Variants in HDAC6 observed in about 807,000 individuals in gnomAD.
HDAC6 encodes histone deacetylase 6.
HDAC6 carries 5 observed loss-of-function variants against 88.9 expected under a neutral mutation model. That is an observed-to-expected ratio of 0.06 (90% confidence interval 0.03 to 0.12). The LOEUF is 0.12. Ranked by LOEUF, HDAC6 falls within the 10% of genes least tolerant of loss-of-function variation. The pLI, the probability that HDAC6 is intolerant of heterozygous loss-of-function variation, is 1.00. For synonymous variants in HDAC6, 378 were observed against 398.0 expected (o/e 0.95, Z 0.60); for missense variants, 706 against 1,014.4 (o/e 0.70, Z 4.13).
intron 10 of HDAC6, among the ~76,000 whole-genome samples, chrX:48,811,707 T>C (rs782666265): frequency 4.1e-4 from 46 of 112,553 alleles, no homozygotes; most frequent in African/African-American, 1.4e-3. Flanking sequence ...GTTGTACTTA[T>C]CTTTTCCAGT....
intron 20 of HDAC6, chrX:48,817,701 C>A: frequency 2.4e-6 from 1 of 416,919 alleles, no homozygotes; most frequent in Non-Finnish European, 4.1e-6. Context: ...GGTCCCACCC[C>A]AGCATTTCTG....
intron 20 of HDAC6, 66 bp downstream of exon 20, chrX:48,817,525 C>T: frequency 1.9e-6 from 2 of 1,042,052 alleles, no homozygotes; most frequent in Non-Finnish European, 1.3e-6. Context: ...CCCCCCAGCC[C>T]ATTGTTTACT....
intron 10 of HDAC6, among the ~76,000 whole-genome samples, chrX:48,810,294 C>G (rs1184446342): frequency 1.8e-5 from 2 of 109,779 alleles, no homozygotes; most frequent in Non-Finnish European, 3.8e-5. Context: ...CCAGACTGGT[C>G]TCGAACTCCT....
rs922326153 is a variant in HDAC6, at chrX:48,808,552, G to A, written c.806+226G>A. ...CAGATAGGGGGACTGAGGCTTATAC[G>A]TTAAGAGGTCACACAGAGAAGAACT... is the stretch of plus-strand genomic sequence containing the variant. On this transcript the variant is annotated intron_variant, in intron 10 of 28. Transcript: ENST00000334136. 3.6e-5 allele frequency among the ~76,000 whole-genome samples: 4 copies of A among 111,748 alleles called. 1 individual carries two copies. The highest frequency in any genetic ancestry group is 7.4e-4 in the South Asian group (2 of 2,708).
At chrX:48,824,423 C>T (rs1348121357) in intron 28 of HDAC6, 121 bp from the exon 29 acceptor site, 12 of 1,076,499 alleles carry the variant, frequency 1.1e-5, no homozygotes, top group South Asian at 1.0e-4. Flanking sequence ...TTGCATGGGG[C>T]GGGGGCTGTG....
intron 6 of HDAC6, 134 bp downstream of exon 6, chrX:48,805,805 T>A: frequency 2.0e-6 from 1 of 512,541 alleles, no homozygotes; most frequent in East Asian, 3.6e-5. Flanking sequence ...TTTCTGAATC[T>A]GTGTCATCGC....
rs1419782290 is a variant in HDAC6 at position 48,819,065 on chromosome X, G to A, written c.2187+653G>A. 5.3e-5 allele frequency among the ~76,000 whole-genome samples: 6 copies of A among 112,495 alleles called. No individual in the cohort carries two copies. In the Admixed American group the frequency reaches 5.6e-4, roughly 11 times the overall value. Reference sequence around the variant, plus strand: ...GGCGCCGGTGTGCATCTTTGGATCTGCATGTGCATCTGACTGTGCATGGGT... The same window carrying A: ...GGCGCCGGTGTGCATCTTTGGATCTACATGTGCATCTGACTGTGCATGGGT... On this transcript the variant is annotated intron_variant, in intron 22 of 28. Transcript: ENST00000334136.
chrX:48,824,952 TA>T lies in HDAC6; in HGVS notation c.*342del. The stretch of plus-strand genomic sequence containing the variant: ...GGCAGGCATGGCAAGGTTGCATATG[TA>T]ATAAAGTACAAGCTGTTAAAAAACC... On this transcript the variant is annotated 3_prime_UTR_variant, in exon 29 of 29. Coordinates refer to ENST00000334136, the MANE Select transcript of HDAC6 (RefSeq NM_006044.4). 1 of 1,030,871 alleles carries T rather than the reference TA, an allele frequency of 9.7e-7. No individual in the cohort carries two copies. The highest frequency in any genetic ancestry group is 1.3e-6 in the Non-Finnish European group (1 of 794,556). The allele number at this position is 1,030,871 out of a possible 1,213,427, so 85.0% of individuals were successfully genotyped here. A position where few individuals can be genotyped will look rare whatever the true frequency, so the allele number is the denominator to read the frequency against.
chrX:48,823,976 T>C lies in HDAC6; in HGVS notation c.3358T>C (p.Cys1120Arg), dbSNP rs1489914480. The change falls in exon 27 of 29, where the codon TGC becomes CGC. Residue 1120 changes from cysteine (C) to arginine (R), a missense_variant. Physicochemically the swap from Cys to Arg is radical, Grantham distance 180. Around this residue, in one of 9 missense-constraint regions of HDAC6, gnomAD observed 112 missense variants for 95.1 expected, o/e 1.18. Transcript: ENST00000334136. ...LPWCPHLVAV[C>R]PIPAAGLDVT... is the part of the protein sequence containing the mutation. ...CTGGTGTCCCCATTTGGTGGCAGTA[T>C]GCCCCATACCTGCAGCAGGCCTAGA... 4 of 1,209,511 alleles carry C rather than the reference T, an allele frequency of 3.3e-6. No homozygotes were observed. Among genetic ancestry groups the C allele is most frequent in the Non-Finnish European group, 4.5e-6 (4 of 894,559 alleles).
intron 10 of HDAC6, among the ~76,000 whole-genome samples, chrX:48,811,742 C>T (rs1328605471): frequency 8.9e-6 from 1 of 112,039 alleles, no homozygotes; most frequent in Non-Finnish European, 1.9e-5. Flanking sequence ...TGTTGGTCAT[C>T]TCTACTGTTT....
intron 10 of HDAC6, among the ~76,000 whole-genome samples, chrX:48,812,212 A>C (rs2062913524): frequency 8.9e-6 from 1 of 112,485 alleles, no homozygotes; most frequent in African/African-American, 3.2e-5. Flanking sequence ...AAACACTGTG[A>C]ATATATTCAG....
chrX:48,806,454 A>T lies in HDAC6; in HGVS notation c.524A>T (p.Tyr175Phe), dbSNP rs2062818736. 3 of 1,176,849 alleles carry T rather than the reference A, an allele frequency of 2.5e-6. No individual in the cohort carries two copies. Among genetic ancestry groups the T allele is most frequent in the Non-Finnish European group, 3.5e-6 (3 of 864,355 alleles). ...RVLADTYDSV[Y>F]LHPNSYSCAC... is the part of the protein sequence containing the mutation. Reference sequence around the variant, plus strand: ...CTAGCAGACACCTACGACTCAGTTTATCTGCATCCGGTATGGATGAGAACT... The same window carrying T: ...CTAGCAGACACCTACGACTCAGTTTTTCTGCATCCGGTATGGATGAGAACT... Residue 175 changes from tyrosine to phenylalanine, a missense_variant, in exon 7 of 29, where the codon TAT (tyrosine) becomes TTT (phenylalanine). Physicochemically the swap from Tyr to Phe is conservative, Grantham distance 22 (BLOSUM62 3). Around this residue, in one of 9 missense-constraint regions of HDAC6, gnomAD observed 193 missense variants for 258.2 expected, o/e 0.75. Transcript: ENST00000334136.
chrX:48,818,352 C>T lies in HDAC6; in HGVS notation c.2127C>T (p.Arg709=), dbSNP rs782469771. 9 of 1,199,329 alleles carry T rather than the reference C, an allele frequency of 7.5e-6. No homozygotes were observed. In the East Asian group the frequency reaches 2.7e-4, roughly 36 times the overall value. The change falls in exon 22 of 29, where the codon CGC becomes CGT. Residue 709 remains arginine, a synonymous_variant. Transcript: ENST00000334136. ...TCAACGTGGCATGGAACGGGCCCCG[C>T]ATGGGTGATGCTGACTACCTAGCTG... ...FTVNVAWNGP[R]MGDADYLAAW...
At chrX:48,801,411 G>C (rs2062725167), upstream of HDAC6, 1 of 117,512 alleles carries the variant, frequency 8.5e-6, no homozygotes, top group Non-Finnish European at 1.8e-5. Context: ...GGCGCGTCGC[G>C]CGGGAAGTCG....
chrX:48,824,233 T>C lies in HDAC6; in HGVS notation c.3518T>C (p.Val1173Ala). 1 of 1,211,060 alleles carries C rather than the reference T, an allele frequency of 8.3e-7. No homozygotes were observed. The highest frequency in any genetic ancestry group is 1.8e-5 in the South Asian group (1 of 56,951). ...CATGGAAATTCTGGACACCCGCTGG[T>C]CCTCAGCTACATCGACCTGTCAGCC... ...QHHGNSGHPL[V>A]LSYIDLSAWC... Residue 1173 changes from valine (V) to alanine (A), a missense_variant, in exon 28 of 29, where the codon GTC becomes GCC. Transcript: ENST00000334136.
Position 48,803,196 on chromosome X carries a change from C to T in HDAC6, c.291C>T (p.Phe97=), listed in dbSNP as rs1446454682. Residue 97 remains phenylalanine, a synonymous_variant, in exon 4 of 29, where the codon TTC becomes TTT. Coordinates refer to ENST00000334136, the MANE Select transcript of HDAC6 (RefSeq NM_006044.4). ...TGTTGGATGAGCAGTTAAATGAATT[C>T]CATTGCCTCTGGGATGACAGGTGAG... ...GLVLDEQLNE[F]HCLWDDSFPE... 1.2e-5 allele frequency: 14 copies of T among 1,205,808 alleles called. No individual in the cohort carries two copies. The highest frequency in any genetic ancestry group is 1.2e-5 in the Non-Finnish European group (11 of 892,234).
chrX:48,808,632 C>G (rs371474323), intron 10 of HDAC6, among the ~76,000 whole-genome samples: 1 of 112,152 alleles, frequency 8.9e-6, no homozygotes, highest in Non-Finnish European at 1.9e-5. Flanking sequence ...ACTGATTAAC[C>G]GTTGGGTTAG....
At chrX:48,819,484 GTCTC>G (rs1385073692) in intron 22 of HDAC6, 2 of 137,083 alleles carry the variant, frequency 1.5e-5, no homozygotes, top group Non-Finnish European at 2.9e-5. Context: ...ACATGTCTCT[GTCTC>G]TCTGTTTTTC....
intron 10 of HDAC6, 130 bp from the exon 11 acceptor site, chrX:48,814,310 A>G (rs782453641): frequency 3.2e-5 from 20 of 621,091 alleles, no homozygotes; most frequent in Admixed American, 9.5e-5. Flanking sequence ...GGGGAAATTA[A>G]TGAATGAGAG....
Sources: gnomAD v4.1 joint callset for allele counts (sites outside exome capture counted in the v4.1 genomes callset) on GRCh38, gnomAD v4.1.1 for gene constraint, gnomAD v4.1.1 regional missense constraint, MANE v1.5 for transcripts, NCBI Gene and HGNC (gene_info 2026-07-23, HGNC 2026-07-21) for gene names.